SCHIP1: variants seen among roughly 807,000 people sequenced by gnomAD.
The protein encoded by SCHIP1 is schwannomin-interacting protein 1.
In SCHIP1, 8 loss-of-function variants were observed where a neutral mutation model predicts 29.7. That is an observed-to-expected ratio of 0.27 (90% CI 0.16 to 0.49). The LOEUF (loss-of-function observed/expected upper bound fraction) is 0.49. SCHIP1 is among the 20% of genes least tolerant of loss of function. The pLI, the probability that SCHIP1 is intolerant of heterozygous loss-of-function variation, is 0.99. For missense variants in SCHIP1, 193 were observed against 294.6 expected, an observed-to-expected ratio of 0.66 and a Z score of 2.52; for synonymous variants, 76 against 94.9, an observed-to-expected ratio of 0.80 and a Z score of 1.16.
chr3:159,345,226 C>CAA, the SCHIP1 span, among the ~76,000 whole-genome samples: 5,700 of 117,010 alleles, frequency 0.049, 154 homozygotes, highest in African/African-American at 0.074. Flanking sequence ...GACTCTGTCT[C>CAA]AAAAAAAAAA....
the SCHIP1 span, among the ~76,000 whole-genome samples, chr3:159,787,847 C>T: frequency 1.3e-5 from 2 of 152,176 alleles, no homozygotes; most frequent in Admixed American, 6.5e-5. Context: ...CACTGTTGTC[C>T]ACTTCACACA....
chr3:159,724,527 A>C, the SCHIP1 span, among the ~76,000 whole-genome samples: 3 of 152,216 alleles, frequency 2.0e-5, no homozygotes, highest in Non-Finnish European at 2.9e-5. Flanking sequence ...CAAATTTCCT[A>C]TAACTTGTTC....
At chr3:159,339,354 C>T in the SCHIP1 span, among the ~76,000 whole-genome samples, 1 of 151,788 alleles carries the variant, frequency 6.6e-6, no homozygotes, top group African/African-American at 2.4e-5. Flanking sequence ...AATAAAGAAA[C>T]TCCTTGTTTT....
chr3:159,712,529 C>T, the SCHIP1 span, among the ~76,000 whole-genome samples: 1 of 150,816 alleles, frequency 6.6e-6, no homozygotes, highest in Non-Finnish European at 1.5e-5. Flanking sequence ...CCAGCCTGAA[C>T]AACATAGAGA....
At chr3:159,627,570 G>A in the SCHIP1 span, among the ~76,000 whole-genome samples, 1 of 152,178 alleles carries the variant, frequency 6.6e-6, no homozygotes, top group African/African-American at 2.4e-5. Flanking sequence ...GGTTGAGCCA[G>A]GATTTGCACC....
the SCHIP1 span, among the ~76,000 whole-genome samples, chr3:159,495,356 C>T: frequency 6.6e-6 from 1 of 152,154 alleles, no homozygotes. Context: ...ATCTAGAAAA[C>T]CCCATTGTCT....
chr3:159,687,335 C>A, the SCHIP1 span, among the ~76,000 whole-genome samples: 2 of 152,012 alleles, frequency 1.3e-5, no homozygotes, highest in Non-Finnish European at 2.9e-5. Context: ...CCCTCTCTGT[C>A]AAGCTTCTTA....
the SCHIP1 span, among the ~76,000 whole-genome samples, chr3:159,597,764 T>C: frequency 1.3e-5 from 2 of 152,204 alleles, no homozygotes; most frequent in East Asian, 1.9e-4. Context: ...CTTTGATACA[T>C]TGATTTCTTT....
the SCHIP1 span, among the ~76,000 whole-genome samples, chr3:159,454,692 C>G: frequency 1.3e-5 from 2 of 152,012 alleles, no homozygotes; most frequent in Non-Finnish European, 2.9e-5. Context: ...AAATTTATAC[C>G]AACTCTGGGT....
the SCHIP1 span, among the ~76,000 whole-genome samples, chr3:159,652,479 G>A: frequency 6.6e-6 from 1 of 152,100 alleles, no homozygotes; most frequent in South Asian, 2.1e-4. Flanking sequence ...GTTTTCCTTG[G>A]GTACCTACTC....
chr3:159,549,259 T>C, the SCHIP1 span, among the ~76,000 whole-genome samples: 4 of 152,148 alleles, frequency 2.6e-5, no homozygotes, highest in Admixed American at 6.6e-5. Flanking sequence ...TTCTAGTAAC[T>C]CTGGTTGTCC....
the SCHIP1 span, among the ~76,000 whole-genome samples, chr3:159,357,991 A>G: frequency 6.6e-6 from 1 of 152,252 alleles, no homozygotes; most frequent in Non-Finnish European, 1.5e-5. Context: ...AGCTGTAGAT[A>G]TGAGAAGGTA....
chr3:159,750,881 ACT>A, the SCHIP1 span, among the ~76,000 whole-genome samples: 1 of 136,008 alleles, frequency 7.4e-6, no homozygotes, highest in Admixed American at 7.9e-5. Flanking sequence ...CTATTAAAAG[ACT>A]CTTCATTTTC....
chr3:159,611,375 T>C, the SCHIP1 span, among the ~76,000 whole-genome samples: 10 of 152,150 alleles, frequency 6.6e-5, no homozygotes, highest in Non-Finnish European at 1.0e-4. Context: ...TCATGTCCTT[T>C]GTAGGGACAT....
chr3:159,300,165 A>G, the SCHIP1 span, among the ~76,000 whole-genome samples: 1 of 119,244 alleles, frequency 8.4e-6, no homozygotes, highest in Non-Finnish European at 1.6e-5. Context: ...TCTGTCACCC[A>G]GGCTGGAGTG....
At chr3:159,811,637 G>A in the SCHIP1 span, among the ~76,000 whole-genome samples, 2 of 152,152 alleles carry the variant, frequency 1.3e-5, no homozygotes, top group Non-Finnish European at 2.9e-5. Context: ...CTGTTCCATT[G>A]ATCTACATGT....
the SCHIP1 span, among the ~76,000 whole-genome samples, chr3:159,275,985 T>C: frequency 6.6e-6 from 1 of 152,168 alleles, no homozygotes; most frequent in Non-Finnish European, 1.5e-5. Context: ...ATTTATAACC[T>C]TTGGCTACAA....
the SCHIP1 span, chr3:159,273,652 G>A: frequency 1.5e-6 from 2 of 1,365,280 alleles, no homozygotes; most frequent in Non-Finnish European, 1.9e-6. Flanking sequence ...GCTTGAGCAT[G>A]GTGGTTGATA....
chr3:159,543,488 A>G, the SCHIP1 span, among the ~76,000 whole-genome samples: 2 of 149,992 alleles, frequency 1.3e-5, no homozygotes, highest in African/African-American at 4.9e-5. Context: ...TGTCCTTACG[A>G]TAGTTTACTG....
Sources: allele counts gnomAD v4.1 joint callset (sites outside exome capture counted in the v4.1 genomes callset), GRCh38; gene constraint gnomAD v4.1.1; transcripts MANE v1.5; gene names NCBI Gene and HGNC (gene_info 2026-07-23, HGNC 2026-07-21).